Variants in ZNF804B observed in about 807,000 individuals in gnomAD.
ZNF804B encodes the protein zinc finger protein 804B, also known as zinc finger 804B.
In ZNF804B, 80 loss-of-function variants were observed where a neutral mutation model predicts 101.4. The ratio of observed to expected loss-of-function variants is 0.79; its 90% CI spans 0.66 to 0.95. The LOEUF is 0.95. Among genes scored for constraint, ZNF804B ranks in the 40% least tolerant of loss-of-function variants. The probability of loss-of-function intolerance (pLI) is 0.00; values close to 1 mark genes in which losing one functional copy is unlikely to be tolerated. For synonymous variants in ZNF804B, 622 were observed against 558.8 expected, an observed-to-expected ratio of 1.11 and a Z score of -1.59; for missense variants, 1,673 against 1,561.9, an observed-to-expected ratio of 1.07 and a Z score of -1.20.
At chr7:89,168,485 C>T (rs1015385964) in intron 1 of ZNF804B, among the ~76,000 whole-genome samples, 1 of 151,974 alleles carries the variant, frequency 6.6e-6, no homozygotes, top group Non-Finnish European at 1.5e-5. Flanking sequence ...TAAGAGCAAA[C>T]TTTATATTTC....
intron 1 of ZNF804B, among the ~76,000 whole-genome samples, chr7:88,917,457 C>G (rs542551527): frequency 6.6e-6 from 1 of 152,044 alleles, no homozygotes; most frequent in East Asian, 1.9e-4. Context: ...CTGTCATGAA[C>G]CTTCTATAGT....
At chr7:89,121,842 G>A (rs1173961253) in intron 1 of ZNF804B, among the ~76,000 whole-genome samples, 2 of 152,000 alleles carry the variant, frequency 1.3e-5, no homozygotes, top group African/African-American at 4.8e-5. Context: ...AGAAAAAATC[G>A]GGACAAAATA....
intron 1 of ZNF804B, among the ~76,000 whole-genome samples, chr7:89,140,918 T>C (rs1487867630): frequency 6.6e-6 from 1 of 152,106 alleles, no homozygotes; most frequent in Admixed American, 6.6e-5. Context: ...ATATGCCTTC[T>C]TCAATGAGCT....
intron 1 of ZNF804B, among the ~76,000 whole-genome samples, chr7:89,212,003 G>C (rs1055713913): frequency 5.9e-5 from 9 of 151,964 alleles, no homozygotes; most frequent in African/African-American, 1.9e-4. Context: ...ATTTGTTTGT[G>C]TCCTCTCTGA....
intron 1 of ZNF804B, among the ~76,000 whole-genome samples, chr7:89,132,075 C>T (rs1790556768): frequency 1.3e-5 from 2 of 151,736 alleles, no homozygotes; most frequent in African/African-American, 2.4e-5. Context: ...CAATACTGTT[C>T]TCTTCATGGG....
chr7:88,867,264 A>G (rs997840523), intron 1 of ZNF804B, among the ~76,000 whole-genome samples: 1 of 152,198 alleles, frequency 6.6e-6, no homozygotes, highest in African/African-American at 2.4e-5. Context: ...ATGATAGACA[A>G]TAGGCTGTCT....
chr7:88,951,455 CAT>C (rs956569748), intron 1 of ZNF804B, among the ~76,000 whole-genome samples: 5 of 151,718 alleles, frequency 3.3e-5, no homozygotes, highest in African/African-American at 9.7e-5. Context: ...CATACACACA[CAT>C]GCGCGTGCGC....
intron 1 of ZNF804B, among the ~76,000 whole-genome samples, chr7:88,874,108 A>G (rs1035661471): frequency 6.6e-6 from 1 of 152,148 alleles, no homozygotes; most frequent in Non-Finnish European, 1.5e-5. Flanking sequence ...ATGAGCATGG[A>G]ATGTTCTTCC....
chr7:89,221,805 A>T (rs1367291156), intron 2 of ZNF804B, among the ~76,000 whole-genome samples: 1 of 150,668 alleles, frequency 6.6e-6, no homozygotes, highest in African/African-American at 2.4e-5. Flanking sequence ...TTGTTTATTG[A>T]CTTTCTGTCA....
intron 2 of ZNF804B, among the ~76,000 whole-genome samples, chr7:89,322,365 A>T (rs984966137): frequency 2.9e-4 from 44 of 152,314 alleles, no homozygotes; most frequent in African/African-American, 1.0e-3. Context: ...ACTGTCCAAG[A>T]CCTGACATCA....
At chr7:88,822,395 A>G (rs780606346) in intron 1 of ZNF804B, among the ~76,000 whole-genome samples, 1 of 152,144 alleles carries the variant, frequency 6.6e-6, no homozygotes. Context: ...TATTATTGTC[A>G]TTACTGTTTA....
intron 1 of ZNF804B, among the ~76,000 whole-genome samples, chr7:88,925,201 C>T (rs892158108): frequency 2.0e-5 from 3 of 152,130 alleles, no homozygotes; most frequent in African/African-American, 7.2e-5. Context: ...CACTCACTGT[C>T]CTCTGAGGCC....
At position 88,951,142 on chromosome 7, in the gene ZNF804B, A is replaced by G. The variant is rs939217690; in HGVS notation, c.108+191058A>G. On this transcript the variant is annotated intron_variant, in intron 1 of 3. Coordinates refer to ENST00000333190, the MANE Select transcript of ZNF804B (RefSeq NM_181646.5). ...TTTGGAGGACTCTAGCATGGCAGAA[A>G]ACCTCAGTGGGTCTGAATTGTCTAG... Among the ~76,000 whole-genome samples, 3 of 151,868 alleles carry G rather than the reference A, an allele frequency of 2.0e-5. No individual in the cohort carries two copies. The South Asian group carries it at 6.2e-4, about 31-fold the overall frequency.
intron 1 of ZNF804B, among the ~76,000 whole-genome samples, chr7:89,009,255 T>A (rs539398835): frequency 2.0e-5 from 3 of 152,162 alleles, no homozygotes; most frequent in Non-Finnish European, 4.4e-5. Context: ...TACTAAAACA[T>A]TTATCTGTTA....
intron 2 of ZNF804B, among the ~76,000 whole-genome samples, chr7:89,315,116 C>T (rs1281435742): frequency 2.0e-5 from 3 of 152,098 alleles, no homozygotes; most frequent in Admixed American, 6.6e-5. Flanking sequence ...TTGTGGAAGA[C>T]GAATGGGGAG....
chr7:89,174,014 A>T (rs183393932), intron 1 of ZNF804B, among the ~76,000 whole-genome samples: 1 of 152,000 alleles, frequency 6.6e-6, no homozygotes, highest in African/African-American at 2.4e-5. Flanking sequence ...ACAGGCATTC[A>T]ATGTGTAGTA....
At chr7:88,902,898 T>C (rs938777949) in intron 1 of ZNF804B, among the ~76,000 whole-genome samples, 1 of 152,134 alleles carries the variant, frequency 6.6e-6, no homozygotes, top group African/African-American at 2.4e-5. Flanking sequence ...ATTTTCTGTT[T>C]CAAACGTAAA....
intron 1 of ZNF804B, among the ~76,000 whole-genome samples, chr7:88,800,018 C>T (rs911051566): frequency 6.6e-6 from 1 of 152,066 alleles, no homozygotes; most frequent in African/African-American, 2.4e-5. Context: ...AGGCTTTAAA[C>T]TCTCACCTGT....
intron 2 of ZNF804B, among the ~76,000 whole-genome samples, chr7:89,243,279 G>A (rs73399110): frequency 0.051 from 7,206 of 142,084 alleles, 549 homozygotes; most frequent in African/African-American, 0.17. Context: ...GGGGCAAGCT[G>A]AAGAGTTAAG....
Sources: gnomAD v4.1 joint callset for allele counts (sites outside exome capture counted in the v4.1 genomes callset) on GRCh38, gnomAD v4.1.1 for gene constraint, MANE v1.5 for transcripts, NCBI Gene and HGNC (gene_info 2026-07-23, HGNC 2026-07-21) for gene names.